FLOT1: variants seen among roughly 807,000 people sequenced by gnomAD.
FLOT1 encodes flotillin-1.
In FLOT1, 40 loss-of-function variants were observed where a neutral mutation model predicts 58.4. The observed-to-expected ratio is 0.69, with a 90% CI of 0.53 to 0.89. FLOT1 has a LOEUF of 0.89. Among genes scored for constraint, FLOT1 ranks in the 40% least tolerant of loss-of-function variants. FLOT1 has a pLI of 0.00. For missense variants in FLOT1, 423 were observed against 540.8 expected (o/e 0.78, Z 2.16); for synonymous variants, 178 against 204.2 (o/e 0.87, Z 1.09).
intron 8 of FLOT1, among the ~76,000 whole-genome samples, chr6:30,736,575 T>C (rs1015505088): frequency 6.6e-6 from 1 of 150,658 alleles, no homozygotes; most frequent in African/African-American, 2.5e-5. Flanking sequence ...CCATCATCTC[T>C]GAAAAAGAGC....
chr6:30,741,202 G>A lies in FLOT1; in HGVS notation c.342C>T (p.His114=), dbSNP rs748713713. ...CCCCTAGGCCAACCTCCACAGTCAT[G>A]TGGGCCATGATGGCCCTCTGGTGGC... The part of the protein sequence containing the change: ...LEGHQRAIMA[H]MTVEEIYKDR... Residue 114 remains histidine (H), a synonymous_variant, in exon 5 of 13, where the codon CAC becomes CAT. Coordinates refer to ENST00000376389, the MANE Select transcript of FLOT1 (RefSeq NM_005803.4). The surrounding 1 kb of genome is among the most constrained non-coding windows in gnomAD (Gnocchi z 5.9). The A allele has an allele frequency of 1.9e-6, 3 of 1,613,048 alleles. No homozygotes were observed. Among genetic ancestry groups the A allele is most frequent in the Non-Finnish European group, 1.7e-6 (2 of 1,180,034 alleles).
At chr6:30,731,237 C>A (rs1286844436) in intron 8 of FLOT1, 137 bp from the exon 9 acceptor site, 2 of 813,658 alleles carry the variant, frequency 2.5e-6, no homozygotes, top group Admixed American at 2.9e-5. Flanking sequence ...GTAATCCTAG[C>A]GCTTTGGGAG....
intron 12 of FLOT1, 31 bp from the exon 13 acceptor site, chr6:30,728,176 G>A (rs1776870984): frequency 6.2e-7 from 1 of 1,608,160 alleles, no homozygotes; most frequent in Non-Finnish European, 8.5e-7. Context: ...GATGACACTT[G>A]GGAACATTCG....
chr6:30,731,444 C>T (rs1777190156), intron 8 of FLOT1, among the ~76,000 whole-genome samples: 1 of 143,664 alleles, frequency 7.0e-6, no homozygotes, highest in African/African-American at 2.6e-5. Context: ...GGGATCACGC[C>T]ACTGCACTCC....
intron 8 of FLOT1, among the ~76,000 whole-genome samples, chr6:30,738,772 C>T (rs1227254544): frequency 6.6e-6 from 1 of 152,172 alleles, no homozygotes; most frequent in Non-Finnish European, 1.5e-5. Context: ...GACAGCACTA[C>T]AGCACTGATG....
rs768162162 is a variant in FLOT1, at chr6:30,741,250, G to A, written c.294C>T (p.His98=). Residue 98 remains histidine, a synonymous_variant, in exon 5 of 13, where the codon CAC becomes CAT. Coordinates refer to ENST00000376389, the MANE Select transcript of FLOT1 (RefSeq NM_005803.4). This position sits in a 1 kb window ranked among gnomAD's most constrained non-coding sequence, Gnocchi z 5.9. ...FLGKTEAEIA[H]IALETLEGHQ... ...GGCCCTCTAACGTCTCCAGGGCAAT[G>A]TGGGCAATCTCAGCCTCCGTCTTCC... 5.3e-5 allele frequency: 85 copies of A among 1,612,978 alleles called. No homozygotes were observed. The highest frequency in any genetic ancestry group is 7.0e-5 in the Non-Finnish European group (83 of 1,180,038).
chr6:30,733,073 G>T (rs9968888), intron 8 of FLOT1, among the ~76,000 whole-genome samples: 11,276 of 151,922 alleles, frequency 0.074, 680 homozygotes, highest in African/African-American at 0.16. Flanking sequence ...TTCGCTCTTG[G>T]CACCCAGGCT....
chr6:30,740,424 C>G lies in FLOT1; in HGVS notation c.570+72G>C. 1.9e-6 allele frequency: 3 copies of G among 1,588,004 alleles called. No homozygotes were observed. In the South Asian group the frequency reaches 3.3e-5, roughly 18 times the overall value. On this transcript the variant is annotated intron_variant, in intron 7 of 12. Transcript: ENST00000376389. ...GCCTCATGTATTTTCCCTGCTCACC[C>G]AGCACCCCTGCTTCTTCTCAGTTGT...
chr6:30,735,527 G>A (rs1777505882), intron 8 of FLOT1, among the ~76,000 whole-genome samples: 1 of 152,182 alleles, frequency 6.6e-6, no homozygotes, highest in South Asian at 2.1e-4. Flanking sequence ...TTACTTGGGA[G>A]GGTGAGGCAC....
At position 30,742,501 on chromosome 6, in the gene FLOT1, G is replaced by T; in HGVS notation, c.-15+26C>A. The stretch of plus-strand genomic sequence containing the variant: ...CTCTCCCTGCTTCTCGGCAGCCCCA[G>T]GCTCCATCTCCCCTCCCCCACTCAC... On this transcript the variant is annotated intron_variant, in intron 1 of 12. Coordinates refer to ENST00000376389, the MANE Select transcript of FLOT1 (RefSeq NM_005803.4). This position sits in a 1 kb window ranked among gnomAD's most constrained non-coding sequence, Gnocchi z 5.2. 1 of 442,658 alleles carries T rather than the reference G, an allele frequency of 2.3e-6. No homozygotes were observed. The highest frequency in any genetic ancestry group is 4.1e-6 in the Non-Finnish European group (1 of 245,802). The allele number at this position is 442,658 out of a possible 1,614,324, so 27.4% of individuals were successfully genotyped here.
chr6:30,732,110 C>T (rs919076253), intron 8 of FLOT1, among the ~76,000 whole-genome samples: 2 of 152,092 alleles, frequency 1.3e-5, no homozygotes, highest in South Asian at 2.1e-4. Context: ...GGACTACAGG[C>T]ATGTGCTACC....
Position 30,737,214 on chromosome 6 carries a change from G to A in FLOT1, c.723+2944C>T, listed in dbSNP as rs1562188005. Among the ~76,000 whole-genome samples, 2 of 78,168 alleles carry A rather than the reference G, an allele frequency of 2.6e-5. No individual in the cohort carries two copies. The highest frequency in any genetic ancestry group is 4.5e-5 in the African/African-American group (1 of 22,254). The allele number at this position is 78,168 out of a possible 152,430, so 51.3% of individuals were successfully genotyped here. ...CTGACTGACTGACTGTCTGTCGTCC[G>A]TCCGTCCGTCCGTCCGTCCGTCCGT... On this transcript the variant is annotated intron_variant, in intron 8 of 12. Coordinates refer to ENST00000376389, the MANE Select transcript of FLOT1 (RefSeq NM_005803.4). The surrounding 1 kb of genome is among the most constrained non-coding windows in gnomAD (Gnocchi z 4.4).
In FLOT1 at chr6:30,737,208, T is replaced by TCGTCCGTCCGTCCGTC. The variant is rs148516220; in HGVS notation, c.723+2934_723+2949dup. 7.2e-5 allele frequency among the ~76,000 whole-genome samples: 10 copies of TCGTCCGTCCGTCCGTC among 138,130 alleles called. No homozygotes were observed. The highest frequency in any genetic ancestry group is 2.4e-4 in the East Asian group (1 of 4,244). The allele number at this position is 138,130 out of a possible 152,430, so 90.6% of individuals were successfully genotyped here. ...GACTGACTGACTGACTGACTGTCTG[T>TCGTCCGTCCGTCCGTC]CGTCCGTCCGTCCGTCCGTCCGTCC... On this transcript the variant is annotated intron_variant, in intron 8 of 12. Coordinates refer to ENST00000376389, the MANE Select transcript of FLOT1 (RefSeq NM_005803.4). The surrounding 1 kb of genome is among the most constrained non-coding windows in gnomAD (Gnocchi z 4.4).
In FLOT1 at chr6:30,742,235, T is replaced by C. The variant is rs773866812; in HGVS notation, c.-14-32A>G. 1.9e-6 allele frequency: 3 copies of C among 1,597,548 alleles called. No homozygotes were observed. Among genetic ancestry groups the C allele is most frequent in the South Asian group, 1.1e-5 (1 of 90,728 alleles). On this transcript the variant is annotated intron_variant, in intron 1 of 12. Coordinates refer to ENST00000376389, the MANE Select transcript of FLOT1 (RefSeq NM_005803.4). This position sits in a 1 kb window ranked among gnomAD's most constrained non-coding sequence, Gnocchi z 5.2. ...GAGAGGGAGGGAAAGCCTTTGCGGATGGGGAAGGCGCGCTGTGGCGTCCAC... is the reference window on the plus strand; with the variant it reads ...GAGAGGGAGGGAAAGCCTTTGCGGACGGGGAAGGCGCGCTGTGGCGTCCAC...
At position 30,742,528 on chromosome 6, in the gene FLOT1, T is replaced by G; in HGVS notation, c.-16A>C. 2 of 323,614 alleles carry G rather than the reference T, an allele frequency of 6.2e-6. No individual in the cohort carries two copies. The highest frequency in any genetic ancestry group is 6.2e-5 in the East Asian group (1 of 16,226). The allele number at this position is 323,614 out of a possible 1,614,324, so 20.0% of individuals were successfully genotyped here. ...CTCCATCTCCCCTCCCCCACTCACC[T>G]TCCGGGACGCGGGCGGCAGCCCGGC... On this transcript the variant is annotated splice_region_variant and 5_prime_UTR_variant, in exon 1 of 13. Transcript: ENST00000376389. This position sits in a 1 kb window ranked among gnomAD's most constrained non-coding sequence, Gnocchi z 5.2.
At position 30,737,088 on chromosome 6, in the gene FLOT1, A is replaced by G. The variant is rs930868105; in HGVS notation, c.723+3070T>C. On this transcript the variant is annotated intron_variant, in intron 8 of 12. Coordinates refer to ENST00000376389, the MANE Select transcript of FLOT1 (RefSeq NM_005803.4). The surrounding 1 kb of genome is among the most constrained non-coding windows in gnomAD (Gnocchi z 4.4). Reference sequence around the variant, plus strand: ...CTGCCTGCCTTTCCTCCTCACTCACAGCACACCAGCGCCCCCAGATCAGAA... The same window carrying G: ...CTGCCTGCCTTTCCTCCTCACTCACGGCACACCAGCGCCCCCAGATCAGAA... 1.3e-5 allele frequency among the ~76,000 whole-genome samples: 2 copies of G among 151,958 alleles called. No homozygotes were observed. Among genetic ancestry groups the G allele is most frequent in the African/African-American group, 4.8e-5 (2 of 41,352 alleles).
intron 8 of FLOT1, among the ~76,000 whole-genome samples, chr6:30,731,503 A>AT (rs1303999958): frequency 4.6e-5 from 7 of 151,474 alleles, no homozygotes; most frequent in Non-Finnish European, 7.4e-5. Flanking sequence ...AAAAAAAAAA[A>AT]AAAGGAGCAG....
Position 30,741,873 on chromosome 6 carries a change from A to G in FLOT1, c.44-6T>C. ...TGGGGGGCTTCGGCAGAACCCTGCA[A>G]GGTGTGGGGCAGTGAGGAACGGTGG... On this transcript the variant is annotated splice_polypyrimidine_tract_variant and splice_region_variant and intron_variant, in intron 2 of 12. Coordinates refer to ENST00000376389, the MANE Select transcript of FLOT1 (RefSeq NM_005803.4). The surrounding 1 kb of genome is among the most constrained non-coding windows in gnomAD (Gnocchi z 5.9). 6.2e-7 allele frequency: 1 copy of G among 1,612,132 alleles called. No homozygotes were observed. The highest frequency in any genetic ancestry group is 8.5e-7 in the Non-Finnish European group (1 of 1,179,858).
At position 30,742,299 on chromosome 6, in the gene FLOT1, G is replaced by T; in HGVS notation, c.-14-96C>A. On this transcript the variant is annotated intron_variant, in intron 1 of 12. Transcript: ENST00000376389. This position sits in a 1 kb window ranked among gnomAD's most constrained non-coding sequence, Gnocchi z 5.2. ...TTCCCTTTCCCGTCAGGCCCTCCCA[G>T]TCTGCATCCGCCACGGCCCGTCCCT... The T allele has an allele frequency of 1.9e-6, 2 of 1,034,694 alleles. No homozygotes were observed. Among genetic ancestry groups the T allele is most frequent in the Non-Finnish European group, 3.0e-6 (2 of 658,232 alleles). 64.1% of individuals were successfully genotyped at this position (1,034,694 alleles called of 1,614,324 possible). A position where few individuals can be genotyped will look rare whatever the true frequency, so the allele number is the denominator to read the frequency against.
Sources: allele counts gnomAD v4.1 joint callset (sites outside exome capture counted in the v4.1 genomes callset), GRCh38; gene constraint gnomAD v4.1.1; non-coding constraint Gnocchi (gnomAD v3.1); transcripts MANE v1.5; gene names NCBI Gene and HGNC (gene_info 2026-07-23, HGNC 2026-07-21).